ALS2CL: variants seen among roughly 807,000 people sequenced by gnomAD.
The protein encoded by ALS2CL is ALS2 C-terminal like.
A neutral mutation model predicts 127.9 loss-of-function variants in ALS2CL; 112 were observed. The observed-to-expected ratio is 0.88, with a 90% CI of 0.75 to 1.02. The LOEUF is 1.02. ALS2CL is among the 50% of genes least tolerant of loss of function. ALS2CL has a pLI of 0.00. For missense variants in ALS2CL, 1,174 were observed against 1,236.7 expected, an observed-to-expected ratio of 0.95 and a Z score of 0.76; for synonymous variants, 519 against 527.6, an observed-to-expected ratio of 0.98 and a Z score of 0.22.
At chr3:46,674,817 C>A in intron 20 of ALS2CL, 78 bp from the exon 21 acceptor site, 1 of 1,372,430 alleles carries the variant, frequency 7.3e-7, no homozygotes, top group Non-Finnish European at 9.7e-7. Context: ...TCTCAAAGAG[C>A]TCCTAGTTCC....
Position 46,681,270 on chromosome 3 carries a change from T to C in ALS2CL, c.1412A>G (p.Tyr471Cys), listed in dbSNP as rs1310391429. 2 of 1,613,916 alleles carry C rather than the reference T, an allele frequency of 1.2e-6. No homozygotes were observed. The highest frequency in any genetic ancestry group is 1.7e-6 in the Non-Finnish European group (2 of 1,179,970). ...CCTGTCACCATCCTCCTCAATGCCA[T>C]AGCCGCTCCTCTGGCCCCTCTCCCA... ...GHWERGQRSG[Y>C]GIEEDGDRGE... is the part of the protein sequence containing the mutation. The change falls in exon 13 of 26, where the codon TAT becomes TGT. Residue 471 changes from tyrosine to cysteine, a missense_variant. Tyr to Cys is a radical substitution (Grantham distance 194). Coordinates refer to ENST00000318962, the MANE Select transcript of ALS2CL (RefSeq NM_147129.5). The surrounding 1 kb of genome is among the most constrained non-coding windows in gnomAD (Gnocchi z 4.9).
Position 46,676,244 on chromosome 3 carries a change from C to T in ALS2CL, c.2186+1G>A. ...GCTGTCCCGTTTGCCACCGAGCCCA[C>T]CTGTAGGCAGCCCAGAGTTCCTGGG... On this transcript the variant is annotated splice_donor_variant, in intron 19 of 25. Coordinates refer to ENST00000318962, the MANE Select transcript of ALS2CL (RefSeq NM_147129.5). LOFTEE classifies it high-confidence loss of function. The T allele has an allele frequency of 3.1e-6, 5 of 1,612,954 alleles. No individual in the cohort carries two copies. Among genetic ancestry groups the T allele is most frequent in the Non-Finnish European group, 4.2e-6 (5 of 1,179,708 alleles).
At chr3:46,684,108 G>C in intron 7 of ALS2CL, 61 bp from the exon 8 acceptor site, 2 of 1,537,120 alleles carry the variant, frequency 1.3e-6, no homozygotes, top group Non-Finnish European at 1.8e-6. Flanking sequence ...CCTACCCTCT[G>C]GCCAAGGCTT....
intron 7 of ALS2CL, among the ~76,000 whole-genome samples, chr3:46,684,267 A>C (rs569263887): frequency 1.3e-5 from 2 of 152,330 alleles, no homozygotes; most frequent in Non-Finnish European, 2.9e-5. Context: ...ACTCAGAACC[A>C]GCCTCTAGCC....
intron 25 of ALS2CL, 41 bp downstream of exon 25, chr3:46,671,447 C>G: frequency 6.2e-7 from 1 of 1,612,924 alleles, no homozygotes; most frequent in Non-Finnish European, 8.5e-7. Context: ...GCCCCAGGGG[C>G]CAGGGCATTT....
chr3:46,678,407 G>A lies in ALS2CL; in HGVS notation c.1627-18C>T, dbSNP rs775846304. ...ACCTTGCCCTGGGAGCCAGGAGAAG[G>A]AGCAGGGATGTCTGTCTGCCCAGTT... On this transcript the variant is annotated intron_variant, in intron 15 of 25. Coordinates refer to ENST00000318962, the MANE Select transcript of ALS2CL (RefSeq NM_147129.5). 1.9e-6 allele frequency: 3 copies of A among 1,607,496 alleles called. No homozygotes were observed. Among genetic ancestry groups the A allele is most frequent in the East Asian group, 2.2e-5 (1 of 44,790 alleles).
At position 46,681,067 on chromosome 3, in the gene ALS2CL, A is replaced by G. The variant is rs780348003; in HGVS notation, c.1436+179T>C. The G allele has an allele frequency of 2.0e-6, 2 of 1,006,112 alleles. No individual in the cohort carries two copies. The highest frequency in any genetic ancestry group is 1.8e-5 in the Admixed American group (1 of 56,292). 62.3% of individuals were successfully genotyped at this position (1,006,112 alleles called of 1,614,324 possible). ...GAGGGGCGGGGGCGACCCTGCAGTC[A>G]GCGTGACCAAGATTCGCTCAGCCTG... On this transcript the variant is annotated intron_variant, in intron 13 of 25. Coordinates refer to ENST00000318962, the MANE Select transcript of ALS2CL (RefSeq NM_147129.5). This position sits in a 1 kb window ranked among gnomAD's most constrained non-coding sequence, Gnocchi z 4.9.
chr3:46,688,436 G>A, intron 2 of ALS2CL, 140 bp from the exon 3 acceptor site: 1 of 803,794 alleles, frequency 1.2e-6, no homozygotes, highest in Non-Finnish European at 2.0e-6. Context: ...GCATCCCTGG[G>A]ATCCGCAGGA....
intron 19 of ALS2CL, 169 bp downstream of exon 19, chr3:46,676,076 C>G (rs1559461809): frequency 7.4e-7 from 1 of 1,357,060 alleles, no homozygotes; most frequent in Admixed American, 2.8e-5. Context: ...TTGCTCTCAC[C>G]TCCCCACCCT....
intron 1 of ALS2CL, among the ~76,000 whole-genome samples, chr3:46,691,057 C>A (rs1347656808): frequency 6.6e-6 from 1 of 152,216 alleles, no homozygotes; most frequent in East Asian, 1.9e-4. Context: ...AGCTTCTGTG[C>A]TGCAGCTTCT....
At chr3:46,677,621 C>T (rs1156966659) in intron 16 of ALS2CL, among the ~76,000 whole-genome samples, 1 of 152,232 alleles carries the variant, frequency 6.6e-6, no homozygotes, top group Non-Finnish European at 1.5e-5. Flanking sequence ...ACTGTACTCC[C>T]TCCCTACATC....
In ALS2CL at chr3:46,686,625, G is replaced by A. The variant is rs1699810438; in HGVS notation, c.535-186C>T. Among the ~76,000 whole-genome samples the A allele has an allele frequency of 6.6e-6, 1 of 152,086 alleles. No homozygotes were observed. Among genetic ancestry groups the A allele is most frequent in the South Asian group, 2.1e-4 (1 of 4,818 alleles). On this transcript the variant is annotated intron_variant, in intron 5 of 25. Transcript: ENST00000318962. The surrounding 1 kb of genome is among the most constrained non-coding windows in gnomAD (Gnocchi z 4.3). Reference sequence around the variant, plus strand: ...AGGTGCTTCCCCAGCTTGGCCCTGGGCCCACGTGTCCTCATTCCCAGGACG... The same window carrying A: ...AGGTGCTTCCCCAGCTTGGCCCTGGACCCACGTGTCCTCATTCCCAGGACG...
At position 46,683,291 on chromosome 3, in the gene ALS2CL, G is replaced by T; in HGVS notation, c.948C>A (p.His316Gln). 6.2e-7 allele frequency: 1 copy of T among 1,600,504 alleles called. No individual in the cohort carries two copies. The highest frequency in any genetic ancestry group is 1.1e-5 in the South Asian group (1 of 89,294). Residue 316 changes from histidine to glutamine, a missense_variant, in exon 10 of 26, where the codon CAC (histidine) becomes CAA (glutamine). Physicochemically the swap from His to Gln is conservative, Grantham distance 24 (BLOSUM62 0). Coordinates refer to ENST00000318962, the MANE Select transcript of ALS2CL (RefSeq NM_147129.5). ...VWQWKVTWAV[H>Q]QALHGKKDFP... ...AGTCCTTCTTCCCATGCAGGGCCTG[G>T]TGAACAGCCCAGGTCACCTTCCACT...
chr3:46,688,540 T>G (rs1699955080), intron 2 of ALS2CL, among the ~76,000 whole-genome samples: 1 of 152,122 alleles, frequency 6.6e-6, no homozygotes, highest in South Asian at 2.1e-4. Flanking sequence ...CACCCACTCC[T>G]CACTAAACAG....
intron 15 of ALS2CL, among the ~76,000 whole-genome samples, chr3:46,678,754 C>T (rs1455217001): frequency 2.0e-5 from 3 of 152,192 alleles, no homozygotes; most frequent in Admixed American, 6.5e-5. Context: ...TGAGGCTGTC[C>T]CATTCATAGC....
At chr3:46,684,815 A>G (rs1371521575) in intron 7 of ALS2CL, among the ~76,000 whole-genome samples, 1 of 152,188 alleles carries the variant, frequency 6.6e-6, no homozygotes, top group Non-Finnish European at 1.5e-5. Context: ...AATTCAAACT[A>G]AATCAGAACC....
intron 10 of ALS2CL, 62 bp from the exon 11 acceptor site, chr3:46,682,156 C>T: frequency 6.4e-7 from 1 of 1,573,152 alleles, no homozygotes; most frequent in Non-Finnish European, 8.7e-7. Context: ...CCTCAGCCAC[C>T]TACTTTCTCA....
In ALS2CL at chr3:46,671,984, C is replaced by T. The variant is rs368356424; in HGVS notation, c.2584G>A (p.Gly862Arg). The T allele has an allele frequency of 2.4e-5, 38 of 1,614,016 alleles. No individual in the cohort carries two copies. Among genetic ancestry groups the T allele is most frequent in the Middle Eastern group, 1.6e-4 (1 of 6,062 alleles). ...CTCGACACCGTGCCCTCAATTTCCC[C>T]GTATGTCCTCTCCAGCACCTCCAGC... The part of the protein sequence containing the change: ...EKLEVLERTY[G>R]EIEGTVSRVL... The change falls in exon 24 of 26, where the codon GGG (glycine) becomes AGG (arginine). Residue 862 changes from glycine to arginine, a missense_variant. Transcript: ENST00000318962.
At chr3:46,685,772 C>T (rs547080864) in intron 6 of ALS2CL, 128 bp from the exon 7 acceptor site, 21 of 1,345,220 alleles carry the variant, frequency 1.6e-5, no homozygotes, top group Non-Finnish European at 2.0e-5. Context: ...TGGAGCGGAC[C>T]CTGGGTCAGA....
Sources: allele counts gnomAD v4.1 joint callset (sites outside exome capture counted in the v4.1 genomes callset), GRCh38; gene constraint gnomAD v4.1.1; non-coding constraint Gnocchi (gnomAD v3.1); transcripts MANE v1.5; gene names NCBI Gene and HGNC (gene_info 2026-07-23, HGNC 2026-07-21).